KAZN: variants seen among roughly 807,000 people sequenced by gnomAD.
KAZN encodes kazrin, periplakin interacting protein.
Under a neutral mutation model 87.4 loss-of-function variants are expected in KAZN, and 40 were observed. That is an observed-to-expected ratio of 0.46 (90% confidence interval 0.36 to 0.60). The LOEUF is 0.60. Among genes scored for constraint, KAZN ranks in the 20% least tolerant of loss-of-function variants. The pLI is 0.00. For missense variants in KAZN, 898 were observed against 1,073.9 expected (o/e 0.84, Z 2.29); for synonymous variants, 466 against 458.3 (o/e 1.02, Z -0.22).
At position 14,873,738 on chromosome 1, in the gene KAZN, C is replaced by T. The variant is rs1044888959; in HGVS notation, c.227-86946C>T. Among the ~76,000 whole-genome samples, 7 of 152,008 alleles carry T rather than the reference C, an allele frequency of 4.6e-5. No homozygotes were observed. In the East Asian group the frequency reaches 5.8e-4, roughly 13 times the overall value. On this transcript the variant is annotated intron_variant, in intron 1 of 14. Coordinates refer to ENST00000376030, the MANE Select transcript of KAZN (RefSeq NM_201628.3). ...GACTCTAGGGAGGAAAGGCAGGTGC[C>T]GGAGACAAATAAGGAAGCTACTGCA...
At chr1:14,357,059 C>A (rs1044579540) in intron 2 of KAZN, among the ~76,000 whole-genome samples, 1 of 152,180 alleles carries the variant, frequency 6.6e-6, no homozygotes, top group Non-Finnish European at 1.5e-5. Context: ...TATCCATGAG[C>A]ATGGAATGTT....
chr1:13,953,737 C>T (rs892164848), intron 1 of KAZN, among the ~76,000 whole-genome samples: 4 of 152,040 alleles, frequency 2.6e-5, no homozygotes, highest in African/African-American at 9.7e-5. Context: ...AGATTCATGT[C>T]TTTAGCTTGT....
At chr1:14,681,910 C>T (rs1277529878) in intron 1 of KAZN, among the ~76,000 whole-genome samples, 3 of 151,550 alleles carry the variant, frequency 2.0e-5, no homozygotes, top group Middle Eastern at 3.2e-3. Flanking sequence ...CCAGGATGGT[C>T]TCGATCTCCT....
Position 14,569,320 on chromosome 1 carries a change from C to CTTTTTTTTTTTTTTTTT in KAZN, c.250-29659_250-29643dup, listed in dbSNP as rs35144232. Among the ~76,000 whole-genome samples the CTTTTTTTTTTTTTTTTT allele has an allele frequency of 8.3e-4, 77 of 92,318 alleles. 9 individuals are homozygous for CTTTTTTTTTTTTTTTTT. The highest frequency in any genetic ancestry group is 3.2e-3 in the African/African-American group (71 of 22,058). The allele number at this position is 92,318 out of a possible 152,430, so 60.6% of individuals were successfully genotyped here. A position where few individuals can be genotyped will look rare whatever the true frequency, so the allele number is the denominator to read the frequency against. On this transcript the variant is annotated intron_variant, in intron 2 of 16. Coordinates refer to the KAZN transcript ENST00000636203. ...TCCTCTACCTCCTCTACTTCCTCTG[C>CTTTTTTTTTTTTTTTTT]TTTTTTTTTTTTTTTTTTTTGAGAC...
intron 1 of KAZN, among the ~76,000 whole-genome samples, chr1:14,728,300 A>G (rs1377301300): frequency 6.6e-6 from 1 of 150,668 alleles, no homozygotes; most frequent in Admixed American, 6.6e-5. Flanking sequence ...AAAAAAAAAA[A>G]AAAAAAAAAA....
chr1:14,119,638 A>G (rs79549626), intron 1 of KAZN, among the ~76,000 whole-genome samples: 2,912 of 152,274 alleles, frequency 0.019, 95 homozygotes, highest in African/African-American at 0.066. Flanking sequence ...TAGATGGATT[A>G]ACTCTTTAGC....
At chr1:14,334,588 G>A (rs1657095688) in intron 2 of KAZN, among the ~76,000 whole-genome samples, 1 of 152,122 alleles carries the variant, frequency 6.6e-6, no homozygotes, top group Admixed American at 6.5e-5. Flanking sequence ...CCATCGTAAG[G>A]ACTTTGGCTT....
chr1:14,751,894 T>G (rs1045969503), intron 1 of KAZN, among the ~76,000 whole-genome samples: 22 of 152,224 alleles, frequency 1.4e-4, no homozygotes, highest in Non-Finnish European at 2.9e-5. Flanking sequence ...CAGTCTGTTT[T>G]GTATTGCTAT....
intron 2 of KAZN, among the ~76,000 whole-genome samples, chr1:14,209,573 TTAAA>T (rs1480119678): frequency 2.0e-5 from 3 of 152,172 alleles, no homozygotes; most frequent in African/African-American, 7.2e-5. Context: ...AAACACCAGT[TTAAA>T]TAATCAAGGG....
intron 1 of KAZN, among the ~76,000 whole-genome samples, chr1:14,038,109 A>G (rs1641639799): frequency 6.6e-6 from 1 of 152,146 alleles, no homozygotes; most frequent in Non-Finnish European, 1.5e-5. Context: ...GGCACCTCCT[A>G]TATGCCAGGC....
Position 14,097,182 on chromosome 1 carries a change from T to C in KAZN, c.92-83253T>C, listed in dbSNP as rs951654322. Among the ~76,000 whole-genome samples the C allele has an allele frequency of 2.6e-5, 4 of 152,104 alleles. 1 individual carries two copies. The highest frequency in any genetic ancestry group is 9.7e-5 in the African/African-American group (4 of 41,410). Reference sequence around the variant, plus strand: ...TGTGTTGAGTGCTATAGAGGCTAGGTTGGAGAAAGACATAGGAAGAAGGGA... The same window carrying C: ...TGTGTTGAGTGCTATAGAGGCTAGGCTGGAGAAAGACATAGGAAGAAGGGA... On this transcript the variant is annotated intron_variant, in intron 1 of 16. Transcript: ENST00000636203.
At chr1:15,024,969 G>C (rs1294892005) in intron 2 of KAZN, among the ~76,000 whole-genome samples, 1 of 152,118 alleles carries the variant, frequency 6.6e-6, no homozygotes. Context: ...AGGGCAAGAG[G>C]GGACAGGCAA....
chr1:14,311,469 C>A (rs146849056), intron 2 of KAZN, among the ~76,000 whole-genome samples: 1 of 152,204 alleles, frequency 6.6e-6, no homozygotes, highest in Non-Finnish European at 1.5e-5. Flanking sequence ...GACAGTGGAC[C>A]TTACGGGGCT....
intron 2 of KAZN, among the ~76,000 whole-genome samples, chr1:14,999,881 C>T (rs544768161): frequency 3.3e-5 from 5 of 152,262 alleles, no homozygotes; most frequent in South Asian, 2.1e-4. Context: ...GACTTCTTCC[C>T]GCCTGCTGGT....
chr1:14,445,343 G>A (rs554624715), intron 2 of KAZN, among the ~76,000 whole-genome samples: 45 of 152,256 alleles, frequency 3.0e-4, no homozygotes, highest in African/African-American at 9.6e-4. Context: ...GTGCTTTTAA[G>A]AGGAGAAAAT....
chr1:14,243,370 C>A (rs1649157437), intron 2 of KAZN, among the ~76,000 whole-genome samples: 1 of 152,164 alleles, frequency 6.6e-6, no homozygotes, highest in African/African-American at 2.4e-5. Context: ...CTTTTCTCCA[C>A]CAGTCTCTGG....
At chr1:15,063,538 G>A in intron 6 of KAZN, 34 bp from the exon 7 acceptor site, 2 of 1,597,752 alleles carry the variant, frequency 1.3e-6, no homozygotes, top group Non-Finnish European at 1.7e-6. Flanking sequence ...ACCTGTCTCT[G>A]CTGTTTCATC....
chr1:14,947,002 G>A (rs957055635), intron 1 of KAZN, among the ~76,000 whole-genome samples: 6 of 152,180 alleles, frequency 3.9e-5, no homozygotes, highest in Admixed American at 2.6e-4. Context: ...GAGGTGTGGG[G>A]CAAGCAGCTT....
chr1:14,885,031 T>C (rs2801184), intron 1 of KAZN, among the ~76,000 whole-genome samples: 116,653 of 152,070 alleles, frequency 0.77, 45,454 homozygotes, highest in East Asian at 0.96. Context: ...ACACTATTGT[T>C]CACGGGAAAA....
Sources: allele counts gnomAD v4.1 joint callset (sites outside exome capture counted in the v4.1 genomes callset), GRCh38; gene constraint gnomAD v4.1.1; transcripts MANE v1.5; gene names NCBI Gene and HGNC (gene_info 2026-07-23, HGNC 2026-07-21).